Variants in IL1RL1 observed in about 807,000 individuals in gnomAD.
The protein encoded by IL1RL1 is interleukin-1 receptor-like 1.
A neutral mutation model predicts 50.9 loss-of-function variants in IL1RL1; 32 were observed. That is an observed-to-expected ratio of 0.63 (90% CI 0.47 to 0.84). The LOEUF is 0.84. IL1RL1 is among the 40% of genes least tolerant of loss of function. IL1RL1 has a pLI of 0.00. For missense variants in IL1RL1, 773 were observed against 662.9 expected (o/e 1.17, Z -1.82); for synonymous variants, 275 against 236.0 (o/e 1.17, Z -1.51).
chr2:102,338,625 T>A (rs577957488), intron 2 of IL1RL1, among the ~76,000 whole-genome samples: 1 of 152,338 alleles, frequency 6.6e-6, no homozygotes, highest in South Asian at 2.1e-4. Context: ...TAGATAAGGC[T>A]GCTTTTCCAT....
rs770714786 is a variant in IL1RL1, at chr2:102,351,614, A to G, written c.1364A>G (p.Asn455Ser). The G allele has an allele frequency of 3.1e-6, 5 of 1,614,096 alleles. No homozygotes were observed. The highest frequency in any genetic ancestry group is 3.3e-4 in the Middle Eastern group (2 of 6,062). Reference protein sequence around the residue: ...IFILTPQITHNKEFAYEQEVA... With the variant: ...IFILTPQITHSKEFAYEQEVA... Reference sequence around the variant, plus strand: ...ATCCTGACCCCTCAGATCACTCACAATAAGGAGTTTGCCTACGAGCAGGAG... The same window carrying G: ...ATCCTGACCCCTCAGATCACTCACAGTAAGGAGTTTGCCTACGAGCAGGAG... The change falls in exon 11 of 11, where the codon AAT becomes AGT. Residue 455 changes from asparagine to serine, a missense_variant. Transcript: ENST00000233954.
Position 102,340,202 on chromosome 2 carries a change from A to T in IL1RL1, c.377A>T (p.Glu126Val). 8.1e-6 allele frequency: 13 copies of T among 1,605,914 alleles called. No individual in the cohort carries two copies. The highest frequency in any genetic ancestry group is 1.0e-5 in the Non-Finnish European group (12 of 1,177,390). Residue 126 changes from glutamate to valine, a missense_variant, in exon 4 of 11, where the codon GAA (glutamate) becomes GTA (valine). By Grantham distance (121) the Glu-to-Val change is moderately radical. Coordinates refer to ENST00000233954, the MANE Select transcript of IL1RL1 (RefSeq NM_016232.5). ...YLMYSTVSGS[E>V]KNSKIYCPTI... ...ATGTATTCAACAGTATCTGGATCAG[A>T]AAAAAATTCCAAAATTTATTGTCCT...
intron 1 of IL1RL1, among the ~76,000 whole-genome samples, chr2:102,311,915 T>A (rs184768570): frequency 3.5e-3 from 80 of 23,140 alleles, no homozygotes; most frequent in African/African-American, 5.6e-3. Flanking sequence ...GTTATATATT[T>A]TATTATATAA....
At chr2:102,313,746 G>C (rs896920598) in intron 1 of IL1RL1, among the ~76,000 whole-genome samples, 2 of 152,232 alleles carry the variant, frequency 1.3e-5, no homozygotes, top group African/African-American at 4.8e-5. Flanking sequence ...GGCAAATGCA[G>C]TCTGGTTGGG....
At chr2:102,345,884 G>T (rs1677766782) in intron 8 of IL1RL1, 2 of 985,264 alleles carry the variant, frequency 2.0e-6, no homozygotes, top group South Asian at 9.4e-5. Flanking sequence ...CATCCAGCCT[G>T]CCCACTCACA....
At chr2:102,336,601 T>C (rs1677335657) in intron 1 of IL1RL1, among the ~76,000 whole-genome samples, 1 of 152,212 alleles carries the variant, frequency 6.6e-6, no homozygotes, top group Non-Finnish European at 1.5e-5. Context: ...TTCAGGGTTA[T>C]GGTTTTCTTT....
chr2:102,351,818 T>C lies in IL1RL1; in HGVS notation c.1568T>C (p.Leu523Pro), dbSNP rs781066069. 1 of 1,614,022 alleles carries C rather than the reference T, an allele frequency of 6.2e-7. No homozygotes were observed. The highest frequency in any genetic ancestry group is 1.7e-5 in the Admixed American group (1 of 60,020). Residue 523 changes from leucine (L) to proline (P), a missense_variant, in exon 11 of 11, where the codon CTG becomes CCG. By Grantham distance (98) the Leu-to-Pro change is moderately conservative. Transcript: ENST00000233954. Reference protein sequence around the residue: ...REDHIANKRSLNSKFWKHVRY... With the variant: ...REDHIANKRSPNSKFWKHVRY... ...GACCACATTGCCAATAAAAGGTCCC[T>C]GAATTCTAAATTCTGGAAGCACGTG...
In IL1RL1 at chr2:102,338,161, C is replaced by T. The variant is rs1677398116; in HGVS notation, c.-104C>T. On this transcript the variant is annotated 5_prime_UTR_variant, in exon 2 of 11. Coordinates refer to ENST00000233954, the MANE Select transcript of IL1RL1 (RefSeq NM_016232.5). ...CCCAACTCAGTCTTGAAGAGTATCA[C>T]CAACTGCCTCATGTGTGGTGACCTT... 3.0e-6 allele frequency: 2 copies of T among 670,584 alleles called. No homozygotes were observed. The highest frequency in any genetic ancestry group is 2.7e-6 in the Non-Finnish European group (1 of 377,340). The allele number at this position is 670,584 out of a possible 1,614,324, so 41.5% of individuals were successfully genotyped here.
At chr2:102,351,207 G>C (rs1677918895) in intron 10 of IL1RL1, among the ~76,000 whole-genome samples, 1 of 152,158 alleles carries the variant, frequency 6.6e-6, no homozygotes, top group Admixed American at 6.5e-5. Context: ...TGTATTCTAA[G>C]AAGAATGAAC....
At position 102,343,159 on chromosome 2, in the gene IL1RL1, A is replaced by C; in HGVS notation, c.806A>C (p.Glu269Ala). The change falls in exon 7 of 11, where the codon GAG becomes GCG. Residue 269 changes from glutamate (E) to alanine (A), a missense_variant. Coordinates refer to ENST00000233954, the MANE Select transcript of IL1RL1 (RefSeq NM_016232.5). ...TTTGGTGAACCAAGAATTCAACAAG[A>C]GGAAGGGCAAAATCAAAGGTATTTT... ...TDFGEPRIQQ[E>A]EGQNQSFSNG... The C allele has an allele frequency of 6.2e-7, 1 of 1,614,172 alleles. No individual in the cohort carries two copies. The highest frequency in any genetic ancestry group is 8.5e-7 in the Non-Finnish European group (1 of 1,180,020).
chr2:102,338,985 A>C lies in IL1RL1; in HGVS notation c.210A>C (p.Gln70His). 6.2e-7 allele frequency: 1 copy of C among 1,613,972 alleles called. No homozygotes were observed. Among genetic ancestry groups the C allele is most frequent in the African/African-American group, 1.3e-5 (1 of 75,026 alleles). Reference sequence around the variant, plus strand: ...GAAATCGTGTGTTTGCCTCAGGCCAACTTCTGAAGTTTCTACCAGCTGCAG... The same window carrying C: ...GAAATCGTGTGTTTGCCTCAGGCCACCTTCTGAAGTTTCTACCAGCTGCAG... ...QERNRVFASG[Q>H]LLKFLPAAVA... The change falls in exon 3 of 11, where the codon CAA (glutamine) becomes CAC (histidine). Residue 70 changes from glutamine (Q) to histidine (H), a missense_variant. Transcript: ENST00000233954.
chr2:102,344,930 TA>T, intron 8 of IL1RL1: 2 of 968,744 alleles, frequency 2.1e-6, no homozygotes, highest in South Asian at 4.8e-5. Flanking sequence ...TTTGACACAA[TA>T]AAAGGACAAC....
chr2:102,335,784 G>A (rs1437365964), intron 1 of IL1RL1, among the ~76,000 whole-genome samples: 3 of 152,168 alleles, frequency 2.0e-5, no homozygotes, highest in African/African-American at 7.2e-5. Context: ...TTCCGAGTTT[G>A]TGTTATTTTA....
chr2:102,316,419 A>T (rs1676674789), intron 1 of IL1RL1, among the ~76,000 whole-genome samples: 1 of 152,180 alleles, frequency 6.6e-6, no homozygotes, highest in Admixed American at 6.5e-5. Flanking sequence ...AACCTGAGGA[A>T]ATCTAGAATG....
chr2:102,312,256 GAAGGGCC>G (rs1676539847), intron 1 of IL1RL1, among the ~76,000 whole-genome samples: 1 of 146,466 alleles, frequency 6.8e-6, no homozygotes, highest in Non-Finnish European at 1.5e-5. Flanking sequence ...TTATGCAAAT[GAAGGGCC>G]TATAATATAA....
chr2:102,342,360 T>A (rs1559604760), intron 6 of IL1RL1, 66 bp downstream of exon 6: 1 of 1,131,888 alleles, frequency 8.8e-7, no homozygotes, highest in Non-Finnish European at 1.3e-6. Flanking sequence ...ACCCCTGTTC[T>A]GAATTCCCTT....
chr2:102,336,011 T>C (rs908118576), intron 1 of IL1RL1, among the ~76,000 whole-genome samples: 1 of 152,140 alleles, frequency 6.6e-6, no homozygotes, highest in Non-Finnish European at 1.5e-5. Flanking sequence ...TATCTCTTCC[T>C]CTCAGAGCCA....
chr2:102,341,497 C>CT, intron 5 of IL1RL1: 1 of 266,232 alleles, frequency 3.8e-6, no homozygotes, highest in Non-Finnish European at 6.1e-6. Context: ...GATCTACAGA[C>CT]GTAGATGTAA....
Position 102,346,493 on chromosome 2 carries a change from C to T in IL1RL1, c.971-1452C>T, listed in dbSNP as rs187715015. On this transcript the variant is annotated intron_variant, in intron 8 of 10. Coordinates refer to ENST00000233954, the MANE Select transcript of IL1RL1 (RefSeq NM_016232.5). Reference sequence around the variant, plus strand: ...ATAAAATAATTCACACTTACGAAGACTTCCTCTGATGTCTTGGATCAACTT... The same window carrying T: ...ATAAAATAATTCACACTTACGAAGATTTCCTCTGATGTCTTGGATCAACTT... Among the ~76,000 whole-genome samples the T allele has an allele frequency of 5.0e-4, 76 of 152,320 alleles. 1 individual carries two copies. The highest frequency in any genetic ancestry group is 4.7e-3 in the Admixed American group (72 of 15,294).
Sources: gnomAD v4.1 joint callset for allele counts (sites outside exome capture counted in the v4.1 genomes callset) on GRCh38, gnomAD v4.1.1 for gene constraint, MANE v1.5 for transcripts, NCBI Gene and HGNC (gene_info 2026-07-23, HGNC 2026-07-21) for gene names.